Variants in ADAMTS6 observed in about 807,000 individuals in gnomAD.
The protein encoded by ADAMTS6 is ADAM metallopeptidase with thrombospondin type 1 motif 6.
ADAMTS6 carries 23 observed loss-of-function variants against 144.3 expected under a neutral mutation model. That is an observed-to-expected ratio of 0.16 (90% CI 0.11 to 0.23). ADAMTS6 has a LOEUF of 0.23. Among genes scored for constraint, ADAMTS6 ranks in the 10% least tolerant of loss-of-function variants. ADAMTS6 has a pLI of 1.00. For synonymous variants in ADAMTS6, 444 were observed against 457.5 expected (o/e 0.97, Z 0.38); for missense variants, 999 against 1,379.6 (o/e 0.72, Z 4.37).
intron 7 of ADAMTS6, among the ~76,000 whole-genome samples, chr5:65,409,969 C>T (rs1031416352): frequency 2.6e-5 from 4 of 152,044 alleles, no homozygotes; most frequent in African/African-American, 7.2e-5. Flanking sequence ...AAGGTTTGAC[C>T]GCTATTAAAA....
At chr5:65,401,616 T>G (rs949717281) in intron 7 of ADAMTS6, among the ~76,000 whole-genome samples, 2 of 152,152 alleles carry the variant, frequency 1.3e-5, no homozygotes, top group East Asian at 1.9e-4. Flanking sequence ...CTCCAGAAAT[T>G]TGTCAATTAC....
At chr5:65,207,482 A>G (rs1020723457) in intron 20 of ADAMTS6, among the ~76,000 whole-genome samples, 1 of 152,214 alleles carries the variant, frequency 6.6e-6, no homozygotes, top group South Asian at 2.1e-4. Context: ...CTATAGCATC[A>G]ATTATCAGTT....
At chr5:65,168,273 TC>T (rs1298775068) in intron 24 of ADAMTS6, among the ~76,000 whole-genome samples, 2 of 151,308 alleles carry the variant, frequency 1.3e-5, no homozygotes, top group Admixed American at 1.3e-4. Flanking sequence ...ATGAGTGAAC[TC>T]CCATTCACAA....
chr5:65,370,564 C>G (rs558377233), intron 7 of ADAMTS6, among the ~76,000 whole-genome samples: 1 of 152,296 alleles, frequency 6.6e-6, no homozygotes, highest in South Asian at 2.1e-4. Flanking sequence ...CGCGCTTTTC[C>G]GACGGGCTTA....
chr5:65,438,997 G>T (rs184136180), intron 7 of ADAMTS6, among the ~76,000 whole-genome samples: 4 of 152,198 alleles, frequency 2.6e-5, no homozygotes, highest in Admixed American at 2.6e-4. Flanking sequence ...TACTGGCAGG[G>T]TGGTAAAATA....
chr5:65,362,777 G>A (rs536186753), intron 7 of ADAMTS6, among the ~76,000 whole-genome samples: 7 of 152,212 alleles, frequency 4.6e-5, no homozygotes, highest in African/African-American at 1.7e-4. Flanking sequence ...GACAAATAGA[G>A]TTTAGTCTAC....
At chr5:65,370,746 G>T (rs942894931) in intron 7 of ADAMTS6, among the ~76,000 whole-genome samples, 2 of 152,340 alleles carry the variant, frequency 1.3e-5, no homozygotes, top group African/African-American at 2.4e-5. Flanking sequence ...AAAGCAGAGG[G>T]GAAGCTCCAA....
intron 9 of ADAMTS6, among the ~76,000 whole-genome samples, chr5:65,319,702 G>A (rs1745365844): frequency 1.9e-5 from 1 of 53,148 alleles, no homozygotes; most frequent in African/African-American, 1.0e-4. Flanking sequence ...AAGGAAGGGA[G>A]GGAGGGAGGG....
intron 18 of ADAMTS6, among the ~76,000 whole-genome samples, chr5:65,215,904 G>C (rs1041034061): frequency 6.6e-6 from 1 of 152,120 alleles, no homozygotes; most frequent in African/African-American, 2.4e-5. Flanking sequence ...GAATCAAAGA[G>C]ATTTAAGAAA....
At chr5:65,194,374 T>C (rs1755203976) in intron 21 of ADAMTS6, among the ~76,000 whole-genome samples, 3 of 152,224 alleles carry the variant, frequency 2.0e-5, no homozygotes, top group Non-Finnish European at 4.4e-5. Context: ...AGCTACGCTA[T>C]CATGAGCGTA....
intron 7 of ADAMTS6, among the ~76,000 whole-genome samples, chr5:65,344,400 A>T (rs2150079542): frequency 6.6e-6 from 1 of 152,066 alleles, no homozygotes; most frequent in East Asian, 1.9e-4. Context: ...CTATACATCC[A>T]CAAAAATGGG....
intron 11 of ADAMTS6, among the ~76,000 whole-genome samples, chr5:65,280,788 T>A (rs927827415): frequency 6.6e-6 from 1 of 152,236 alleles, no homozygotes; most frequent in Non-Finnish European, 1.5e-5. Flanking sequence ...CTGGAACTAT[T>A]TTCCTAGAGT....
At chr5:65,289,279 A>T (rs182340924) in intron 11 of ADAMTS6, among the ~76,000 whole-genome samples, 426 of 152,336 alleles carry the variant, frequency 2.8e-3, no homozygotes, top group African/African-American at 8.6e-3. Context: ...TCACACCTGT[A>T]ATCCCAACAC....
At chr5:65,460,056 A>T in intron 4 of ADAMTS6, 114 bp downstream of exon 4, 1 of 1,168,624 alleles carries the variant, frequency 8.6e-7, no homozygotes, top group Non-Finnish European at 1.2e-6. Context: ...TGGACATTAT[A>T]ATTGTAGTCA....
chr5:65,358,067 G>T (rs980434562), intron 7 of ADAMTS6, among the ~76,000 whole-genome samples: 1 of 151,770 alleles, frequency 6.6e-6, no homozygotes, highest in South Asian at 2.1e-4. Context: ...AATGCTTAAT[G>T]TAAAATTTCT....
At chr5:65,179,285 C>T (rs1754183829) in intron 22 of ADAMTS6, among the ~76,000 whole-genome samples, 1 of 152,098 alleles carries the variant, frequency 6.6e-6, no homozygotes, top group Non-Finnish European at 1.5e-5. Flanking sequence ...CTAAAAAGAA[C>T]TTGTTTGTAT....
At chr5:65,415,707 C>G (rs1755449390) in intron 7 of ADAMTS6, 1 of 228,800 alleles carries the variant, frequency 4.4e-6, no homozygotes, top group South Asian at 5.1e-5. Context: ...GCCAGAACAC[C>G]AGGTTCAAGG....
intron 7 of ADAMTS6, among the ~76,000 whole-genome samples, chr5:65,374,673 G>A (rs968004641): frequency 6.6e-6 from 1 of 152,144 alleles, no homozygotes; most frequent in Non-Finnish European, 1.5e-5. Context: ...TCGTGAAAAT[G>A]GCCATACTGC....
At chr5:65,378,602 T>C (rs1751764821) in intron 7 of ADAMTS6, among the ~76,000 whole-genome samples, 2 of 152,196 alleles carry the variant, frequency 1.3e-5, no homozygotes, top group African/African-American at 4.8e-5. Flanking sequence ...TACACTCATC[T>C]AAAGGGATTT....
Sources: gnomAD v4.1 joint callset for allele counts (sites outside exome capture counted in the v4.1 genomes callset) on GRCh38, gnomAD v4.1.1 for gene constraint, MANE v1.5 for transcripts, NCBI Gene and HGNC (gene_info 2026-07-23, HGNC 2026-07-21) for gene names.